The following ERC2 variants were observed in gnomAD, a reference collection of about 807,000 sequenced individuals.
The protein encoded by ERC2 is ELKS/RAB6-interacting/CAST family member 2.
In ERC2, 42 loss-of-function variants were observed where a neutral mutation model predicts 114.8. That is an observed-to-expected ratio of 0.37 (90% CI 0.29 to 0.47). The LOEUF (loss-of-function observed/expected upper bound fraction) is 0.47, where lower values mean the gene tolerates loss of function less well. Ranked by LOEUF, ERC2 falls within the 20% of genes least tolerant of loss-of-function variation. The probability of loss-of-function intolerance (pLI) is 0.99; values close to 1 mark genes in which losing one functional copy is unlikely to be tolerated. For synonymous variants in ERC2, 454 were observed against 425.5 expected (o/e 1.07, Z -0.82); for missense variants, 939 against 1,150.7 (o/e 0.82, Z 2.66).
intron 2 of ERC2, among the ~76,000 whole-genome samples, chr3:56,411,927 G>C (rs1246513897): frequency 6.6e-6 from 1 of 152,204 alleles, no homozygotes; most frequent in Non-Finnish European, 1.5e-5. Flanking sequence ...GGGTGAGTGT[G>C]GTTGATTGAA....
At chr3:56,224,192 C>A (rs2050105154) in intron 3 of ERC2, among the ~76,000 whole-genome samples, 1 of 152,186 alleles carries the variant, frequency 6.6e-6, no homozygotes. Flanking sequence ...TTAAGCAGCA[C>A]AACTCATTTA....
intron 2 of ERC2, among the ~76,000 whole-genome samples, chr3:56,412,894 G>GA (rs1053965716): frequency 1.3e-5 from 2 of 152,120 alleles, no homozygotes; most frequent in African/African-American, 2.4e-5. Flanking sequence ...GCAGTGCCTA[G>GA]AAAAAAATGG....
At chr3:56,028,515 A>G (rs993861491) in intron 7 of ERC2, among the ~76,000 whole-genome samples, 3 of 152,096 alleles carry the variant, frequency 2.0e-5, no homozygotes, top group Non-Finnish European at 4.4e-5. Flanking sequence ...CAGATCCTGC[A>G]GGTTTTCCTA....
chr3:56,067,850 T>A (rs1034569841), intron 7 of ERC2, among the ~76,000 whole-genome samples: 1 of 152,234 alleles, frequency 6.6e-6, no homozygotes, highest in African/African-American at 2.4e-5. Context: ...GTTTATTGAT[T>A]TGCGTATGTT....
At chr3:55,716,533 T>A (rs2064130117) in intron 15 of ERC2, among the ~76,000 whole-genome samples, 1 of 152,170 alleles carries the variant, frequency 6.6e-6, no homozygotes, top group Non-Finnish European at 1.5e-5. Flanking sequence ...ATTTAACCTC[T>A]CCAATTATGT....
intron 3 of ERC2, among the ~76,000 whole-genome samples, chr3:56,215,946 G>T (rs1365783332): frequency 1.3e-5 from 2 of 152,042 alleles, no homozygotes; most frequent in Non-Finnish European, 2.9e-5. Context: ...TGAAACCAAC[G>T]AGAACAAAGA....
intron 17 of ERC2, among the ~76,000 whole-genome samples, chr3:55,527,395 G>A (rs1432374747): frequency 1.3e-5 from 2 of 152,330 alleles, no homozygotes; most frequent in African/African-American, 2.4e-5. Context: ...TTGTATGCCA[G>A]TGTAAAAGAA....
At chr3:56,378,485 T>G (rs2106685602) in intron 2 of ERC2, among the ~76,000 whole-genome samples, 2 of 134,348 alleles carry the variant, frequency 1.5e-5, no homozygotes, top group African/African-American at 5.6e-5. Context: ...GACGAGTTGG[T>G]GGGTGCAGCG....
At chr3:55,683,028 T>C (rs563718106) in intron 17 of ERC2, among the ~76,000 whole-genome samples, 1 of 152,268 alleles carries the variant, frequency 6.6e-6, no homozygotes, top group African/African-American at 2.4e-5. Flanking sequence ...AGGATGTAAA[T>C]AAAGGGTGGA....
intron 3 of ERC2, among the ~76,000 whole-genome samples, chr3:56,210,775 T>C (rs1186312270): frequency 6.6e-6 from 1 of 152,204 alleles, no homozygotes; most frequent in Non-Finnish European, 1.5e-5. Flanking sequence ...TCAATTAACA[T>C]TTAATAGAAG....
At chr3:56,310,870 G>A (rs1228885818) in intron 2 of ERC2, among the ~76,000 whole-genome samples, 1 of 151,788 alleles carries the variant, frequency 6.6e-6, no homozygotes, top group Non-Finnish European at 1.5e-5. Context: ...TGTGAGAAAT[G>A]CTTCCCTAAA....
chr3:56,274,843 C>T (rs2053893051), intron 3 of ERC2, among the ~76,000 whole-genome samples: 1 of 152,200 alleles, frequency 6.6e-6, no homozygotes, highest in Non-Finnish European at 1.5e-5. Context: ...AAAGAAAAAT[C>T]TGGAGTTCTG....
chr3:56,370,082 G>A (rs2059306545), intron 2 of ERC2, among the ~76,000 whole-genome samples: 1 of 152,208 alleles, frequency 6.6e-6, no homozygotes, highest in African/African-American at 2.4e-5. Flanking sequence ...CACAGGGACT[G>A]TAAGTCTATA....
chr3:56,192,842 A>G (rs1329845344), intron 3 of ERC2, among the ~76,000 whole-genome samples: 1 of 152,198 alleles, frequency 6.6e-6, no homozygotes, highest in African/African-American at 2.4e-5. Flanking sequence ...CTGGGATCCC[A>G]GCAGATCTTA....
intron 14 of ERC2, among the ~76,000 whole-genome samples, chr3:55,767,999 G>C (rs1001758965): frequency 2.3e-4 from 35 of 152,122 alleles, no homozygotes; most frequent in African/African-American, 8.4e-4. Flanking sequence ...ATAATAGTGA[G>C]TTCTCACAAG....
intron 6 of ERC2, among the ~76,000 whole-genome samples, chr3:56,098,448 C>T (rs563916923): frequency 2.0e-5 from 3 of 152,246 alleles, no homozygotes; most frequent in East Asian, 3.9e-4. Context: ...CATGAACAAC[C>T]ACCTCCACTT....
chr3:56,051,014 A>AGCC (rs1332006744), intron 7 of ERC2, among the ~76,000 whole-genome samples: 1 of 152,226 alleles, frequency 6.6e-6, no homozygotes, highest in Non-Finnish European at 1.5e-5. Flanking sequence ...CACAGAGGAA[A>AGCC]GCCCATTCCC....
At chr3:55,566,194 T>G (rs2107502527) in intron 17 of ERC2, among the ~76,000 whole-genome samples, 1 of 152,330 alleles carries the variant, frequency 6.6e-6, no homozygotes, top group Middle Eastern at 3.4e-3. Context: ...TGTGGGACTT[T>G]GAGCAAACCC....
chr3:56,463,108 G>C (rs1301249455), intron 1 of ERC2, among the ~76,000 whole-genome samples: 1 of 152,136 alleles, frequency 6.6e-6, no homozygotes, highest in Non-Finnish European at 1.5e-5. Context: ...CGCACCTGTA[G>C]TTCCAGCTAC....
Sources: gnomAD v4.1 joint callset for allele counts (sites outside exome capture counted in the v4.1 genomes callset) on GRCh38, gnomAD v4.1.1 for gene constraint, MANE v1.5 for transcripts, NCBI Gene and HGNC (gene_info 2026-07-23, HGNC 2026-07-21) for gene names.